GNB4: variants seen among roughly 807,000 people sequenced by gnomAD.
The protein encoded by GNB4 is G protein subunit beta 4.
GNB4 carries 28 observed loss-of-function variants against 45.2 expected under a neutral mutation model. The observed-to-expected ratio is 0.62, with a 90% CI of 0.46 to 0.85. The LOEUF is 0.85. Ranked by LOEUF, GNB4 falls within the 40% of genes least tolerant of loss-of-function variation. The pLI, the probability that GNB4 is intolerant of heterozygous loss-of-function variation, is 0.00. For synonymous variants in GNB4, 132 were observed against 143.7 expected (o/e 0.92, Z 0.58); for missense variants, 321 against 425.4 (o/e 0.75, Z 2.16).
At position 179,400,552 on chromosome 3, in the gene GNB4, A is replaced by G. The variant is rs1553849997; in HGVS notation, c.*661T>C. 2 of 152,190 alleles carry G rather than the reference A, an allele frequency of 1.3e-5. No individual in the cohort carries two copies. Among genetic ancestry groups the G allele is most frequent in the African/African-American group, 2.4e-5 (1 of 41,460 alleles). 9.4% of individuals were successfully genotyped at this position (152,190 alleles called of 1,614,324 possible). Reference sequence around the variant, plus strand: ...ATGATGTTTCTTATGTATGTCCAAAATATCAGTGAAATCTCTAATCTCTGG... The same window carrying G: ...ATGATGTTTCTTATGTATGTCCAAAGTATCAGTGAAATCTCTAATCTCTGG... On this transcript the variant is annotated 3_prime_UTR_variant, in exon 10 of 10. Coordinates refer to ENST00000232564, the MANE Select transcript of GNB4 (RefSeq NM_021629.4).
At chr3:179,484,878 A>G in the GNB4 span, among the ~76,000 whole-genome samples, 2 of 149,184 alleles carry the variant, frequency 1.3e-5, no homozygotes, top group Non-Finnish European at 3.0e-5. Flanking sequence ...TCAAACAGAA[A>G]CACACATTAA....
upstream of GNB4, among the ~76,000 whole-genome samples, chr3:179,454,420 T>TA (rs1408983449): frequency 1.3e-5 from 2 of 152,194 alleles, no homozygotes; most frequent in East Asian, 3.8e-4. Context: ...TCCCACACGC[T>TA]AGTCAGAATC....
At chr3:179,521,869 C>G in the GNB4 span, among the ~76,000 whole-genome samples, 1 of 152,060 alleles carries the variant, frequency 6.6e-6, no homozygotes. Context: ...AATGTTTCTT[C>G]TAACAACCCC....
the GNB4 span, among the ~76,000 whole-genome samples, chr3:179,490,058 G>A: frequency 6.6e-6 from 1 of 152,192 alleles, no homozygotes; most frequent in Non-Finnish European, 1.5e-5. Flanking sequence ...TTCTGGGTAA[G>A]ATGGAGTAAG....
intron 1 of GNB4, among the ~76,000 whole-genome samples, chr3:179,428,032 ATTTGGT>A (rs1247435681): frequency 1.3e-5 from 2 of 152,194 alleles, no homozygotes; most frequent in Non-Finnish European, 2.9e-5. Flanking sequence ...ATGAGAGAGA[ATTTGGT>A]TTTGATGTCT....
chr3:179,432,341 A>T (rs551458351), intron 1 of GNB4, among the ~76,000 whole-genome samples: 2 of 152,236 alleles, frequency 1.3e-5, no homozygotes, highest in South Asian at 4.2e-4. Context: ...TCACTCTTTA[A>T]AAAAAAACAC....
chr3:179,467,897 A>T, the GNB4 span, among the ~76,000 whole-genome samples: 1 of 151,708 alleles, frequency 6.6e-6, no homozygotes, highest in Non-Finnish European at 1.5e-5. Flanking sequence ...TCGAACCTGT[A>T]TTGTTCATGT....
chr3:179,527,190 G>A, the GNB4 span, among the ~76,000 whole-genome samples: 10 of 152,226 alleles, frequency 6.6e-5, no homozygotes, highest in East Asian at 1.9e-4. Context: ...GCAGGATGCC[G>A]GGAAGGAGGA....
chr3:179,472,762 G>C, the GNB4 span, among the ~76,000 whole-genome samples: 1 of 152,160 alleles, frequency 6.6e-6, no homozygotes, highest in Non-Finnish European at 1.5e-5. Context: ...TTTATGTCTT[G>C]AGTTGGAAAA....
the GNB4 span, among the ~76,000 whole-genome samples, chr3:179,512,053 G>A: frequency 6.6e-6 from 1 of 152,166 alleles, no homozygotes; most frequent in Non-Finnish European, 1.5e-5. Flanking sequence ...AGTCATCATG[G>A]CTGATAGAAT....
rs73883516 is a variant in GNB4 at position 179,428,447 on chromosome 3, C to T, written c.-42-2205G>A. Among the ~76,000 whole-genome samples the T allele has an allele frequency of 4.0e-3, 610 of 152,300 alleles. 3 individuals carry two copies. The highest frequency in any genetic ancestry group is 0.014 in the African/African-American group (582 of 41,570). The stretch of plus-strand genomic sequence containing the variant: ...GAAGTGAAGACAAGCAGCATGCGGG[C>T]TCTTTAAAGCCGCAACCTTAGCTGC... On this transcript the variant is annotated intron_variant, in intron 1 of 9. Coordinates refer to ENST00000232564, the MANE Select transcript of GNB4 (RefSeq NM_021629.4).
chr3:179,406,140 G>A (rs60118786), intron 8 of GNB4, among the ~76,000 whole-genome samples: 9,052 of 151,966 alleles, frequency 0.06, 680 homozygotes, highest in African/African-American at 0.18. Context: ...ATTCTACTTC[G>A]GTTAATAGTA....
At chr3:179,508,624 G>A in the GNB4 span, among the ~76,000 whole-genome samples, 2 of 151,772 alleles carry the variant, frequency 1.3e-5, no homozygotes, top group African/African-American at 4.8e-5. Flanking sequence ...CAATCAAAAA[G>A]GAAAGATAAT....
chr3:179,481,466 T>C, the GNB4 span, among the ~76,000 whole-genome samples: 2 of 152,124 alleles, frequency 1.3e-5, no homozygotes, highest in Non-Finnish European at 2.9e-5. Context: ...TGAGCCACCA[T>C]GCCCATAGCT....
chr3:179,427,140 TA>T (rs1715171404), intron 1 of GNB4, among the ~76,000 whole-genome samples: 2 of 152,024 alleles, frequency 1.3e-5, no homozygotes, highest in Non-Finnish European at 2.9e-5. Flanking sequence ...TCTCTGATTT[TA>T]TAATCCCTTG....
chr3:179,489,037 TATATATATA>T, the GNB4 span, among the ~76,000 whole-genome samples: 64 of 75,630 alleles, frequency 8.5e-4, 1 homozygote, highest in African/African-American at 2.1e-3. Flanking sequence ...TATATATATA[TATATATATA>T]ATATATATGT....
chr3:179,527,337 G>A, the GNB4 span, among the ~76,000 whole-genome samples: 2 of 152,186 alleles, frequency 1.3e-5, no homozygotes, highest in Non-Finnish European at 2.9e-5. Flanking sequence ...GGGAGATGCA[G>A]GCGTTGTGCC....
chr3:179,497,786 T>C, the GNB4 span, among the ~76,000 whole-genome samples: 1 of 151,996 alleles, frequency 6.6e-6, no homozygotes, highest in African/African-American at 2.4e-5. Flanking sequence ...CCAACAGATA[T>C]ATGAAAAGAT....
chr3:179,523,290 C>T, the GNB4 span, among the ~76,000 whole-genome samples: 39 of 152,080 alleles, frequency 2.6e-4, no homozygotes, highest in South Asian at 2.9e-3. Context: ...TGAAGCCTTG[C>T]GGCAGTACAG....
Sources: gnomAD v4.1 joint callset for allele counts (sites outside exome capture counted in the v4.1 genomes callset) on GRCh38, gnomAD v4.1.1 for gene constraint, MANE v1.5 for transcripts, NCBI Gene and HGNC (gene_info 2026-07-23, HGNC 2026-07-21) for gene names.